PVT1: variants seen among roughly 807,000 people sequenced by gnomAD.
PVT1 encodes CXCR4/PVT1 fusion.
chr8:127,948,936 G>A (rs1465075390), intron 3 of PVT1, among the ~76,000 whole-genome samples: 1 of 152,240 alleles, frequency 6.6e-6, no homozygotes, highest in African/African-American at 2.4e-5. Flanking sequence ...CTAAAAAGAA[G>A]CCTGAGAATT....
intron 1 of PVT1, among the ~76,000 whole-genome samples, chr8:127,795,310 C>T (rs1483765409): frequency 6.6e-6 from 1 of 152,202 alleles, no homozygotes; most frequent in Admixed American, 6.5e-5. Flanking sequence ...CCTTCTCTTG[C>T]TAACGTGCTC....
intron 2 of PVT1, among the ~76,000 whole-genome samples, chr8:127,863,094 ATTTATTTATTTAT>A (rs1815246370): frequency 7.9e-6 from 1 of 126,674 alleles, no homozygotes; most frequent in South Asian, 2.3e-4. Context: ...TTATTTATTT[ATTTATTTATTTAT>A]TTATTTATTT....
intron 2 of PVT1, among the ~76,000 whole-genome samples, chr8:127,853,811 C>CAA (rs60387929): frequency 2.0e-4 from 29 of 146,244 alleles, no homozygotes; most frequent in African/African-American, 4.0e-4. Flanking sequence ...AACACTGTCT[C>CAA]AAAAAAAAAA....
chr8:127,882,015 C>G (rs1226685147), intron 2 of PVT1, among the ~76,000 whole-genome samples: 3 of 152,220 alleles, frequency 2.0e-5, no homozygotes, highest in African/African-American at 7.2e-5. Context: ...GCTAGGATTA[C>G]AGGCATGAGC....
intron 4 of PVT1, among the ~76,000 whole-genome samples, chr8:127,995,632 A>G (rs1055070833): frequency 5.9e-5 from 9 of 152,212 alleles, no homozygotes; most frequent in African/African-American, 1.7e-4. Flanking sequence ...GTTTGCGGTG[A>G]TGGTCGTGTT....
chr8:127,984,911 TTCTTTCTTTCTCTTTCTC>T (rs1563657609), intron 3 of PVT1, among the ~76,000 whole-genome samples: 5 of 82,314 alleles, frequency 6.1e-5, no homozygotes, highest in African/African-American at 8.5e-5. Flanking sequence ...CTTTCTTTCT[TTCTTTCTTTCTCTTTCTC>T]TTTCTTTCTT....
At chr8:127,890,883 CT>C (rs1472313244) in exon 3 of PVT1, 4 of 152,288 alleles carry the variant, frequency 2.6e-5, no homozygotes, top group Non-Finnish European at 4.4e-5. Context: ...GTTGAGATCT[CT>C]GTTTACTTAG....
chr8:128,097,206 C>G (rs979614458), intron 6 of PVT1, among the ~76,000 whole-genome samples: 1 of 152,118 alleles, frequency 6.6e-6, no homozygotes, highest in African/African-American at 2.4e-5. Context: ...ACTAAAAATA[C>G]AAAAATTATC....
intron 3 of PVT1, among the ~76,000 whole-genome samples, chr8:127,922,765 C>T (rs1816077874): frequency 6.6e-6 from 1 of 152,218 alleles, no homozygotes; most frequent in Non-Finnish European, 1.5e-5. Flanking sequence ...TTACTTAGCC[C>T]AGGCCCATCT....
chr8:128,078,418 T>G (rs997932110), intron 5 of PVT1, among the ~76,000 whole-genome samples: 5 of 152,234 alleles, frequency 3.3e-5, no homozygotes, highest in Admixed American at 2.0e-4. Flanking sequence ...GGTTCAGAGA[T>G]CAGTTTCTTA....
intron 4 of PVT1, among the ~76,000 whole-genome samples, chr8:128,019,881 T>C (rs1817413907): frequency 6.6e-6 from 1 of 152,204 alleles, no homozygotes; most frequent in Non-Finnish European, 1.5e-5. Flanking sequence ...TTACTTGGAG[T>C]TCACTCTAGC....
rs112780908 is a variant in PVT1, at chr8:127,838,054, T to C, written n.372+41983T>C. 7.3e-3 allele frequency among the ~76,000 whole-genome samples: 1,106 copies of C among 151,994 alleles called. 20 individuals carry two copies. Among genetic ancestry groups the C allele is most frequent in the African/African-American group, 0.025 (1,040 of 41,488 alleles). On this transcript the variant is annotated intron_variant and non_coding_transcript_variant, in intron 2 of 10. Transcript: ENST00000651587. Reference sequence around the variant, plus strand: ...CTGGGATTACAGGCATGCGCCACCATGCCCGGCTAATTTTGTATTTTTAGT... The same window carrying C: ...CTGGGATTACAGGCATGCGCCACCACGCCCGGCTAATTTTGTATTTTTAGT...
chr8:128,037,948 A>G (rs77773590), intron 4 of PVT1, among the ~76,000 whole-genome samples: 4,572 of 152,278 alleles, frequency 0.03, 122 homozygotes, highest in Admixed American at 0.09. Context: ...GGAGTTTATC[A>G]ACCAAATAAA....
intron 4 of PVT1, among the ~76,000 whole-genome samples, chr8:128,011,908 G>A (rs954719486): frequency 1.3e-5 from 2 of 152,138 alleles, no homozygotes; most frequent in African/African-American, 4.8e-5. Context: ...CTCATCACTG[G>A]AGATATCCAC....
rs2129742984 is a variant in PVT1 at position 127,856,426 on chromosome 8, C to T, written n.373-34163C>T. ...GCATGAACTTGGCTCACTGTAACCT[C>T]CGCCTCCCAGGTTCAAGTGATTCTC... On this transcript the variant is annotated intron_variant and non_coding_transcript_variant, in intron 2 of 10. Coordinates refer to ENST00000651587, the Ensembl canonical transcript of PVT1. 1.3e-5 allele frequency among the ~76,000 whole-genome samples: 2 copies of T among 151,698 alleles called. 1 individual carries two copies. Among genetic ancestry groups the T allele is most frequent in the African/African-American group, 4.8e-5 (2 of 41,344 alleles).
intron 5 of PVT1, among the ~76,000 whole-genome samples, chr8:128,095,725 G>A (rs1814419460): frequency 6.6e-6 from 1 of 152,228 alleles, no homozygotes; most frequent in East Asian, 1.9e-4. Flanking sequence ...GAATGTCAGG[G>A]TAACCCTGTC....
At chr8:127,922,604 T>C (rs1339921450) in intron 3 of PVT1, among the ~76,000 whole-genome samples, 1 of 152,176 alleles carries the variant, frequency 6.6e-6, no homozygotes, top group Non-Finnish European at 1.5e-5. Context: ...GGTTTCTTTA[T>C]GTGTCCAGCT....
intron 2 of PVT1, among the ~76,000 whole-genome samples, chr8:127,819,451 A>G (rs1354122089): frequency 6.6e-6 from 1 of 152,200 alleles, no homozygotes; most frequent in East Asian, 1.9e-4. Context: ...TTCTCGTTGT[A>G]CAAACGGAGA....
intron 4 of PVT1, among the ~76,000 whole-genome samples, chr8:128,017,530 C>G (rs1032393204): frequency 1.3e-4 from 19 of 151,946 alleles, no homozygotes; most frequent in Admixed American, 1.2e-3. Flanking sequence ...CTCCTAGGTT[C>G]AAGTGATCCT....
Sources: allele counts gnomAD v4.1 joint callset (sites outside exome capture counted in the v4.1 genomes callset), GRCh38; gene constraint gnomAD v4.1.1; transcripts MANE v1.5; gene names NCBI Gene and HGNC (gene_info 2026-07-23, HGNC 2026-07-21).